RPS21: variants seen among roughly 807,000 people sequenced by gnomAD.
RPS21 encodes ribosomal protein S21.
RPS21 carries 6 observed loss-of-function variants against 14.5 expected under a neutral mutation model. That is an observed-to-expected ratio of 0.41 (90% CI 0.23 to 0.82). The LOEUF (loss-of-function observed/expected upper bound fraction) is 0.82, where lower values mean the gene tolerates loss of function less well. Ranked by LOEUF, RPS21 falls within the 40% of genes least tolerant of loss-of-function variation. The pLI is 0.31. For missense variants in RPS21, 85 were observed against 115.0 expected (o/e 0.74, Z 1.19); for synonymous variants, 61 against 42.6 (o/e 1.43, Z -1.69).
At position 62,388,486 on chromosome 20, in the gene RPS21, T is replaced by G. The variant is rs114402901; in HGVS notation, c.*20T>G. On this transcript the variant is annotated 3_prime_UTR_variant, in exon 6 of 6. Transcript: ENST00000343986. ...TTTTGACTGGAGAGAATCACAGATG[T>G]GGAATATTTGTCATAAATAAATAAT... 1.2e-4 allele frequency: 199 copies of G among 1,611,830 alleles called. No homozygotes were observed. In the African/African-American group the frequency reaches 2.4e-3, roughly 20 times the overall value.
chr20:62,388,383 AT>A lies in RPS21; in HGVS notation c.242+22del, dbSNP rs777009426. The A allele has an allele frequency of 2.5e-6, 4 of 1,609,810 alleles. No individual in the cohort carries two copies. Among genetic ancestry groups the A allele is most frequent in the Non-Finnish European group, 3.4e-6 (4 of 1,178,810 alleles). Reference sequence around the variant, plus strand: ...TCTCAAAGTAAGGTTGGGGGCTCACATTTGGGCAGAGTGAGTGGACTAGGAC... The same window carrying A: ...TCTCAAAGTAAGGTTGGGGGCTCACATTGGGCAGAGTGAGTGGACTAGGAC... On this transcript the variant is annotated intron_variant, in intron 5 of 5. Coordinates refer to ENST00000343986, the MANE Select transcript of RPS21 (RefSeq NM_001024.4).
In RPS21 at chr20:62,387,519, T is replaced by G. The variant is rs143445662; in HGVS notation, c.51-92T>G. ...TAACTTGTCCTGCCCCCGACGTTAC[T>G]CTTTTCCATTCATATACCCCCAACC... On this transcript the variant is annotated intron_variant, in intron 2 of 5. Coordinates refer to ENST00000343986, the MANE Select transcript of RPS21 (RefSeq NM_001024.4). 3.8e-6 allele frequency: 6 copies of G among 1,586,540 alleles called. No individual in the cohort carries two copies. The African/African-American group carries it at 8.1e-5, about 21-fold the overall frequency.
chr20:62,388,239 A>G (rs1386552608), intron 4 of RPS21, 70 bp from the exon 5 acceptor site: 3 of 1,528,832 alleles, frequency 2.0e-6, no homozygotes, highest in Non-Finnish European at 2.6e-6. Flanking sequence ...CTGGTGGCAC[A>G]GCTGACCTTC....
Position 62,388,519 on chromosome 20 carries a change from T to C in RPS21, c.*53T>C, listed in dbSNP as rs753763497. 5 of 1,589,716 alleles carry C rather than the reference T, an allele frequency of 3.1e-6. No individual in the cohort carries two copies. The Admixed American group carries it at 8.3e-5, about 27-fold the overall frequency. On this transcript the variant is annotated 3_prime_UTR_variant, in exon 6 of 6. Coordinates refer to ENST00000343986, the MANE Select transcript of RPS21 (RefSeq NM_001024.4). ...TTGTCATAAATAAATAATGAAAACC[T>C]ACCTGTGCAGGTTCATTCTGTGTCT...
Position 62,388,481 on chromosome 20 carries a change from A to G in RPS21, c.*15A>G, listed in dbSNP as rs780134477. ...GGAACTTTTGACTGGAGAGAATCAC[A>G]GATGTGGAATATTTGTCATAAATAA... On this transcript the variant is annotated 3_prime_UTR_variant, in exon 6 of 6. Transcript: ENST00000343986. 6.2e-7 allele frequency: 1 copy of G among 1,612,524 alleles called. No homozygotes were observed. The highest frequency in any genetic ancestry group is 8.5e-7 in the Non-Finnish European group (1 of 1,178,588).
At position 62,387,402 on chromosome 20, in the gene RPS21, A is replaced by C. The variant is rs1326178016; in HGVS notation, c.50+14A>C. The C allele has an allele frequency of 1.2e-6, 2 of 1,607,592 alleles. No individual in the cohort carries two copies. The highest frequency in any genetic ancestry group is 3.4e-5 in the Admixed American group (2 of 59,178). The stretch of plus-strand genomic sequence containing the variant: ...GCCGCGGAAATGGTAAGCGCCCCCC[A>C]CATGCCTCTCTTCCGTCCTTACCTA... On this transcript the variant is annotated intron_variant, in intron 2 of 5. Transcript: ENST00000343986.
Position 62,387,606 on chromosome 20 carries a change from C to T in RPS21, c.51-5C>T, listed in dbSNP as rs749604908. The T allele has an allele frequency of 1.9e-6, 3 of 1,611,038 alleles. No homozygotes were observed. The highest frequency in any genetic ancestry group is 2.2e-5 in the East Asian group (1 of 44,814). ...CCCTCTGCTCACTGCGCCCTTTCTC[C>T]ACAGCTCCGCTAGCAATCGCATCAT... is the stretch of plus-strand genomic sequence containing the variant. On this transcript the variant is annotated splice_region_variant and splice_polypyrimidine_tract_variant and intron_variant, in intron 2 of 5. Coordinates refer to ENST00000343986, the MANE Select transcript of RPS21 (RefSeq NM_001024.4).
Position 62,387,345 on chromosome 20 carries a change from A to G in RPS21, c.7A>G (p.Asn3Asp), listed in dbSNP as rs1987766722. Residue 3 changes from asparagine (N) to aspartate (D), a missense_variant, in exon 2 of 6, where the codon AAC becomes GAC. Physicochemically the swap from Asn to Asp is conservative, Grantham distance 23. Transcript: ENST00000343986. MQ[N>D]DAGEFVDLYV... ...GGCGCAGCCCAGCCTCGAAATGCAG[A>G]ACGACGCCGGCGAGTTCGTGGACCT... The G allele has an allele frequency of 6.2e-7, 1 of 1,603,652 alleles. No individual in the cohort carries two copies. Among genetic ancestry groups the G allele is most frequent in the Non-Finnish European group, 8.5e-7 (1 of 1,175,724 alleles).
chr20:62,387,285 C>G, intron 1 of RPS21, 36 bp from the exon 2 acceptor site: 1 of 1,522,888 alleles, frequency 6.6e-7, no homozygotes, highest in Non-Finnish European at 8.9e-7. Flanking sequence ...GGCACGGTTC[C>G]GGCCGTACTC....
At chr20:62,388,387 G>T in intron 5 of RPS21, 23 bp downstream of exon 5, 6 of 1,610,038 alleles carry the variant, frequency 3.7e-6, no homozygotes, top group Non-Finnish European at 5.1e-6. Context: ...GCTCACATTT[G>T]GGCAGAGTGA....
At position 62,387,827 on chromosome 20, in the gene RPS21, C is replaced by A; in HGVS notation, c.115-16C>A. 1 of 1,614,052 alleles carries A rather than the reference C, an allele frequency of 6.2e-7. No homozygotes were observed. The highest frequency in any genetic ancestry group is 8.5e-7 in the Non-Finnish European group (1 of 1,179,976). On this transcript the variant is annotated splice_polypyrimidine_tract_variant and intron_variant, in intron 3 of 5. Coordinates refer to ENST00000343986, the MANE Select transcript of RPS21 (RefSeq NM_001024.4). ...AAACCTGGGGGAGTGGTTTGTGACC[C>A]TTCTTCTCTTTCTAGGTTGACAAGG...
rs777820671 is a variant in RPS21 at position 62,388,460 on chromosome 20, C to T, written c.246C>T (p.Asn82=). 10 of 1,613,736 alleles carry T rather than the reference C, an allele frequency of 6.2e-6. No individual in the cohort carries two copies. Among genetic ancestry groups the T allele is most frequent in the South Asian group, 3.3e-5 (3 of 91,070 alleles). Residue 82 remains asparagine (N), a synonymous_variant, in exon 6 of 6, where the codon AAC becomes AAT. Transcript: ENST00000343986. ...LAKADGIVSK[N]F ...TGTCCTTTTCCCCTGGTTCTAGGAA[C>T]TTTTGACTGGAGAGAATCACAGATG...
chr20:62,387,297 C>G (rs751134170), intron 1 of RPS21, 24 bp from the exon 2 acceptor site: 2 of 1,559,580 alleles, frequency 1.3e-6, no homozygotes, highest in Middle Eastern at 1.7e-4. Context: ...GCCGTACTCA[C>G]GGCGCCGCGC....
At position 62,387,188 on chromosome 20, in the gene RPS21, TG is replaced by T. The variant is rs1987759330; in HGVS notation, c.-19+57del. The T allele has an allele frequency of 2.6e-5, 15 of 580,686 alleles. No individual in the cohort carries two copies. The South Asian group carries it at 2.8e-4, about 11-fold the overall frequency. The allele number at this position is 580,686 out of a possible 1,614,324, so 36.0% of individuals were successfully genotyped here. On this transcript the variant is annotated intron_variant, in intron 1 of 5. Transcript: ENST00000343986. ...CTCAGGGCTGGGGCTGGGGCGGGAG[TG>T]GGGGCTTGGACGCGGGGGACGGGGT...
At chr20:62,387,733 G>A (rs1230743970) in intron 3 of RPS21, 59 bp downstream of exon 3, 1 of 1,614,108 alleles carries the variant, frequency 6.2e-7, no homozygotes, top group Non-Finnish European at 8.5e-7. Flanking sequence ...AAGGCAGGCT[G>A]TCCCATTGTG....
chr20:62,388,339 G>T lies in RPS21; in HGVS notation c.217G>T (p.Ala73Ser), dbSNP rs1386596584. 2 of 1,600,378 alleles carry T rather than the reference G, an allele frequency of 1.2e-6. No individual in the cohort carries two copies. Among genetic ancestry groups the T allele is most frequent in the African/African-American group, 2.7e-5 (2 of 73,614 alleles). ...GTCAGATGATTCCATTCTCCGATTGGCCAAGGCCGATGGCATCGTCTCAAA... is the reference window on the plus strand; with the variant it reads ...GTCAGATGATTCCATTCTCCGATTGTCCAAGGCCGATGGCATCGTCTCAAA... ...GESDDSILRLAKADGIVSKNF is the reference protein window; with the variant it reads ...GESDDSILRLSKADGIVSKNF The change falls in exon 5 of 6, where the codon GCC (alanine) becomes TCC (serine). Residue 73 changes from alanine to serine, a missense_variant. Physicochemically the swap from Ala to Ser is moderately conservative, Grantham distance 99. Transcript: ENST00000343986.
At position 62,388,508 on chromosome 20, in the gene RPS21, T is replaced by A. The variant is rs1483137577; in HGVS notation, c.*42T>A. Reference sequence around the variant, plus strand: ...ATGTGGAATATTTGTCATAAATAAATAATGAAAACCTACCTGTGCAGGTTC... The same window carrying A: ...ATGTGGAATATTTGTCATAAATAAAAAATGAAAACCTACCTGTGCAGGTTC... On this transcript the variant is annotated 3_prime_UTR_variant, in exon 6 of 6. Coordinates refer to ENST00000343986, the MANE Select transcript of RPS21 (RefSeq NM_001024.4). The A allele has an allele frequency of 2.5e-6, 4 of 1,605,996 alleles. No homozygotes were observed. The highest frequency in any genetic ancestry group is 1.7e-5 in the Admixed American group (1 of 59,960).
Position 62,387,741 on chromosome 20 carries a change from G to A in RPS21, c.114+67G>A, listed in dbSNP as rs751442897. On this transcript the variant is annotated intron_variant, in intron 3 of 5. Coordinates refer to ENST00000343986, the MANE Select transcript of RPS21 (RefSeq NM_001024.4). ...TGCGGGAAAGGCAGGCTGTCCCATT[G>A]TGGAGGAGCCCCTGGGGTGAAGGTA... 4 of 1,613,984 alleles carry A rather than the reference G, an allele frequency of 2.5e-6. No homozygotes were observed. In the South Asian group the frequency reaches 3.3e-5, roughly 13 times the overall value.
In RPS21 at chr20:62,387,350, C is replaced by T. The variant is rs776945632; in HGVS notation, c.12C>T (p.Asp4=). The T allele has an allele frequency of 1.9e-6, 3 of 1,604,828 alleles. No individual in the cohort carries two copies. The African/African-American group carries it at 4.0e-5, about 21-fold the overall frequency. ...AGCCCAGCCTCGAAATGCAGAACGA[C>T]GCCGGCGAGTTCGTGGACCTGTACG... is the stretch of plus-strand genomic sequence containing the variant. MQN[D]AGEFVDLYVP... The change falls in exon 2 of 6, where the codon GAC becomes GAT. Residue 4 remains aspartate, a synonymous_variant. Transcript: ENST00000343986.
Sources: allele counts gnomAD v4.1 joint callset, GRCh38; gene constraint gnomAD v4.1.1; transcripts MANE v1.5; gene names NCBI Gene and HGNC (gene_info 2026-07-23, HGNC 2026-07-21).